The following RTN4IP1 variants were observed in gnomAD, a reference collection of about 807,000 sequenced individuals.
RTN4IP1 encodes NAD(P)H oxidoreductase RTN4IP1, mitochondrial.
Under a neutral mutation model 46.6 loss-of-function variants are expected in RTN4IP1, and 32 were observed. The observed-to-expected ratio is 0.69, with a 90% CI of 0.52 to 0.92. RTN4IP1 has a LOEUF of 0.92. RTN4IP1 is among the 40% of genes least tolerant of loss of function. The probability of loss-of-function intolerance (pLI) is 0.00; values close to 1 mark genes in which losing one functional copy is unlikely to be tolerated. For missense variants in RTN4IP1, 424 were observed against 485.8 expected (o/e 0.87, Z 1.20); for synonymous variants, 167 against 161.8 (o/e 1.03, Z -0.24).
At chr6:106,592,348 A>G in intron 5 of RTN4IP1, 48 bp from the exon 6 acceptor site, 2 of 1,584,216 alleles carry the variant, frequency 1.3e-6, no homozygotes, top group South Asian at 2.3e-5. Flanking sequence ...GAGAGATTAG[A>G]AAAACTGACT....
At chr6:106,574,219 C>A (rs914813542) in intron 8 of RTN4IP1, among the ~76,000 whole-genome samples, 1 of 137,392 alleles carries the variant, frequency 7.3e-6, no homozygotes, top group Non-Finnish European at 1.6e-5. Context: ...CCGAGGCAGG[C>A]GAATCACCTG....
intron 4 of RTN4IP1, 73 bp downstream of exon 4, chr6:106,619,129 A>G (rs1776418725): frequency 6.5e-7 from 1 of 1,537,474 alleles, no homozygotes; most frequent in African/African-American, 1.4e-5. Context: ...CAAAGCTCTG[A>G]CAAATCTACT....
intron 5 of RTN4IP1, among the ~76,000 whole-genome samples, chr6:106,600,295 A>G (rs891158770): frequency 1.3e-5 from 2 of 151,788 alleles, no homozygotes; most frequent in African/African-American, 2.4e-5. Context: ...GTCTTAATCA[A>G]GCTCCCTCTT....
Position 106,600,507 on chromosome 6 carries a change from C to T in RTN4IP1, c.669+2367G>A, listed in dbSNP as rs533627870. Among the ~76,000 whole-genome samples, 115 of 152,086 alleles carry T rather than the reference C, an allele frequency of 7.6e-4. 1 individual carries two copies. Among genetic ancestry groups the T allele is most frequent in the Non-Finnish European group, 1.4e-3 (96 of 68,018 alleles). On this transcript the variant is annotated intron_variant, in intron 5 of 8. Transcript: ENST00000369063. ...TCACAATGTTGTGCAACCATCACCA[C>T]TAATTCCAGAATATTTTAAGTGCCC...
intron 4 of RTN4IP1, among the ~76,000 whole-genome samples, chr6:106,607,181 G>A (rs1478453311): frequency 1.3e-5 from 2 of 152,042 alleles, no homozygotes; most frequent in East Asian, 1.9e-4. Flanking sequence ...ATGGTGCTGG[G>A]AAAATTGGAT....
At chr6:106,579,266 C>T (rs538130971) in intron 8 of RTN4IP1, among the ~76,000 whole-genome samples, 19 of 151,964 alleles carry the variant, frequency 1.3e-4, no homozygotes, top group Non-Finnish European at 2.1e-4. Context: ...CCATTCTTGG[C>T]TCAGAGGATG....
At chr6:106,595,539 C>T (rs961811404) in intron 5 of RTN4IP1, among the ~76,000 whole-genome samples, 1 of 151,150 alleles carries the variant, frequency 6.6e-6, no homozygotes. Context: ...TCGCTCTGTC[C>T]CAGGCTAGAG....
intron 4 of RTN4IP1, among the ~76,000 whole-genome samples, chr6:106,618,110 T>C (rs1322526609): frequency 6.6e-6 from 1 of 152,164 alleles, no homozygotes; most frequent in Non-Finnish European, 1.5e-5. Context: ...TAAGGAAGGG[T>C]AGTACCTCAC....
At chr6:106,608,813 C>T (rs746017943) in intron 4 of RTN4IP1, among the ~76,000 whole-genome samples, 2 of 152,166 alleles carry the variant, frequency 1.3e-5, no homozygotes, top group Non-Finnish European at 2.9e-5. Flanking sequence ...TTCAAAAATA[C>T]ATTCAAAAAT....
In RTN4IP1 at chr6:106,621,357, G is replaced by A. The variant is rs1870868; in HGVS notation, c.495+68C>T. 1,179,055 of 1,183,196 alleles carry A rather than the reference G, an allele frequency of 1. 587,522 individuals carry two copies. Among genetic ancestry groups the A allele is most frequent in the East Asian group, 1 (42,779 of 42,780 alleles). 73.3% of individuals were successfully genotyped at this position (1,183,196 alleles called of 1,614,324 possible). On this transcript the variant is annotated intron_variant, in intron 3 of 8. Coordinates refer to ENST00000369063, the MANE Select transcript of RTN4IP1 (RefSeq NM_032730.5). ...CATAAACTAGATCTGAAAAACACCA[G>A]TTATTTCAGATATTTGCCAGTCTTT...
chr6:106,624,087 C>T (rs942236692), intron 1 of RTN4IP1, among the ~76,000 whole-genome samples: 1 of 152,066 alleles, frequency 6.6e-6, no homozygotes, highest in Non-Finnish European at 1.5e-5. Flanking sequence ...GACAGGGTCT[C>T]GCTCTGTCAT....
rs1042507662 is a variant in RTN4IP1 at position 106,570,994 on chromosome 6, T to C, written c.*1002A>G. 2.0e-5 allele frequency: 3 copies of C among 152,122 alleles called. No individual in the cohort carries two copies. Among genetic ancestry groups the C allele is most frequent in the Non-Finnish European group, 4.4e-5 (3 of 68,022 alleles). 9.4% of individuals were successfully genotyped at this position (152,122 alleles called of 1,614,324 possible). On this transcript the variant is annotated 3_prime_UTR_variant, in exon 9 of 9. Transcript: ENST00000369063. ...TGAATATTCGAAGTGCACACTGCAA[T>C]GGGTTGATTGGAGAGATATCTAAAT...
intron 4 of RTN4IP1, among the ~76,000 whole-genome samples, chr6:106,612,813 T>C (rs955002519): frequency 6.6e-6 from 1 of 152,128 alleles, no homozygotes; most frequent in Non-Finnish European, 1.5e-5. Context: ...CCAATCAGAA[T>C]TAGTTTAGTC....
At chr6:106,572,960 G>A (rs536509088) in intron 8 of RTN4IP1, among the ~76,000 whole-genome samples, 55 of 152,298 alleles carry the variant, frequency 3.6e-4, no homozygotes, top group African/African-American at 1.3e-3. Flanking sequence ...AATAAGGTAA[G>A]TGGGAAAAAC....
chr6:106,603,681 C>A (rs1488466045), intron 4 of RTN4IP1, among the ~76,000 whole-genome samples: 1 of 152,192 alleles, frequency 6.6e-6, no homozygotes, highest in Non-Finnish European at 1.5e-5. Flanking sequence ...GGAAAGGAAT[C>A]TAGACCTATC....
In RTN4IP1 at chr6:106,583,117, G is replaced by A. The variant is rs898267522; in HGVS notation, c.1083+211C>T. 3.3e-5 allele frequency among the ~76,000 whole-genome samples: 5 copies of A among 152,208 alleles called. No homozygotes were observed. In the South Asian group the frequency reaches 8.3e-4, roughly 25 times the overall value. ...AAGGCGGTTTGACTAGATGAGAGAA[G>A]CTCTTGTGCAGATGGAGCAGTCTGT... On this transcript the variant is annotated intron_variant, in intron 8 of 8. Coordinates refer to ENST00000369063, the MANE Select transcript of RTN4IP1 (RefSeq NM_032730.5).
rs368442978 is a variant in RTN4IP1, at chr6:106,593,146, G to T, written c.670-846C>A. On this transcript the variant is annotated intron_variant, in intron 5 of 8. Coordinates refer to ENST00000369063, the MANE Select transcript of RTN4IP1 (RefSeq NM_032730.5). ...TAAGTAATAGGTAACATATGAAAAG[G>T]TTCTCTTAAAAAGAAGGGGAAGAAA... Among the ~76,000 whole-genome samples the T allele has an allele frequency of 1.2e-4, 18 of 152,190 alleles. No homozygotes were observed. The East Asian group carries it at 2.3e-3, about 20-fold the overall frequency.
At position 106,589,834 on chromosome 6, in the gene RTN4IP1, C is replaced by T. The variant is rs142560877; in HGVS notation, c.807-1972G>A. On this transcript the variant is annotated intron_variant, in intron 6 of 8. Transcript: ENST00000369063. ...AGCTATCAAAGAAAAGAAGTAGTAA[C>T]GGCATGCATTTATAAGTCACGAAGT... Among the ~76,000 whole-genome samples the T allele has an allele frequency of 3.5e-3, 532 of 152,256 alleles. 5 individuals are homozygous for T. Among genetic ancestry groups the T allele is most frequent in the African/African-American group, 0.012 (499 of 41,528 alleles).
rs533640425 is a variant in RTN4IP1 at position 106,592,851 on chromosome 6, C to A, written c.670-551G>T. 1.2e-3 allele frequency among the ~76,000 whole-genome samples: 186 copies of A among 152,182 alleles called. 2 individuals carry two copies. Among genetic ancestry groups the A allele is most frequent in the Middle Eastern group, 6.8e-3 (2 of 294 alleles). ...GGCCAAGGCAGGAGAATCGCTTGAA[C>A]CCCGGAGGCAGAGGTTGCAGTGAGC... On this transcript the variant is annotated intron_variant, in intron 5 of 8. Transcript: ENST00000369063.
Sources: allele counts gnomAD v4.1 joint callset (sites outside exome capture counted in the v4.1 genomes callset), GRCh38; gene constraint gnomAD v4.1.1; transcripts MANE v1.5; gene names NCBI Gene and HGNC (gene_info 2026-07-23, HGNC 2026-07-21).